Variants in MAF observed in about 807,000 individuals in gnomAD.
The protein encoded by MAF is MAF bZIP transcription factor.
In MAF, 10 loss-of-function variants were observed where a neutral mutation model predicts 22.0. The observed-to-expected ratio is 0.45, with a 90% CI of 0.28 to 0.77. MAF has a LOEUF of 0.77. Ranked by LOEUF, MAF falls within the 30% of genes least tolerant of loss-of-function variation. MAF has a pLI of 0.12. For synonymous variants in MAF, 337 were observed against 255.8 expected (o/e 1.32, Z -3.03); for missense variants, 544 against 548.4 (o/e 0.99, Z 0.08).
At chr16:79,246,826 GTCCATCCATCCA>G in the MAF span, among the ~76,000 whole-genome samples, 3 of 151,806 alleles carry the variant, frequency 2.0e-5, no homozygotes, top group East Asian at 1.9e-4. Context: ...GTGTCCATCT[GTCCATCCATCCA>G]TCCATCCATC....
the MAF span, among the ~76,000 whole-genome samples, chr16:79,208,625 C>G: frequency 1.9e-5 from 2 of 102,832 alleles, no homozygotes; most frequent in African/African-American, 9.1e-5. Flanking sequence ...TTAAAGTGCT[C>G]TTTAAATTTT....
the MAF span, among the ~76,000 whole-genome samples, chr16:79,413,164 T>C: frequency 6.6e-6 from 1 of 150,512 alleles, no homozygotes; most frequent in African/African-American, 2.5e-5. Context: ...CATTATGGAG[T>C]TAGATTTGTG....
the MAF span, among the ~76,000 whole-genome samples, chr16:79,426,899 G>T: frequency 6.6e-6 from 1 of 152,306 alleles, no homozygotes; most frequent in African/African-American, 2.4e-5. Flanking sequence ...AGATAGGCAG[G>T]GCTGAGAGGT....
the MAF span, among the ~76,000 whole-genome samples, chr16:79,468,551 T>A: frequency 1.3e-5 from 2 of 152,164 alleles, no homozygotes; most frequent in Non-Finnish European, 2.9e-5. Flanking sequence ...CAGAAACAGG[T>A]CTGGAGCAGC....
chr16:79,475,881 C>G, the MAF span, among the ~76,000 whole-genome samples: 2 of 152,138 alleles, frequency 1.3e-5, no homozygotes, highest in African/African-American at 4.8e-5. Context: ...CTTGTAAAAT[C>G]TCTTTCCCTT....
At chr16:79,391,552 T>C in the MAF span, among the ~76,000 whole-genome samples, 20 of 151,824 alleles carry the variant, frequency 1.3e-4, no homozygotes, top group East Asian at 3.1e-3. Context: ...AAATAGGAGG[T>C]TGGAAGAAAC....
the MAF span, among the ~76,000 whole-genome samples, chr16:79,234,724 C>G: frequency 6.6e-6 from 1 of 152,074 alleles, no homozygotes; most frequent in Non-Finnish European, 1.5e-5. Context: ...AAAGGGTTAG[C>G]TGATACCACC....
rs1913843439 is a variant in MAF at position 79,599,385 on chromosome 16, G to A, written c.518C>T (p.Ala173Val). ...GTAGTGCGGGCCCGCGCCGCTCTGCGCGGCGGCCGCGGCGATCACGGCGGA... is the reference window on the plus strand; with the variant it reads ...GTAGTGCGGGCCCGCGCCGCTCTGCACGGCGGCCGCGGCGATCACGGCGGA... ...VVSAVIAAAAAQSGAGPHYHH... is the reference protein window; with the variant it reads ...VVSAVIAAAAVQSGAGPHYHH... The change falls in exon 1 of 2, where the codon GCG (alanine) becomes GTG (valine). Residue 173 changes from alanine to valine, a missense_variant. By Grantham distance (64) the Ala-to-Val change is moderately conservative (BLOSUM62 0). Coordinates refer to ENST00000326043, the MANE Select transcript of MAF (RefSeq NM_005360.5). 2.0e-6 allele frequency: 2 copies of A among 1,018,710 alleles called. No homozygotes were observed. The highest frequency in any genetic ancestry group is 2.3e-6 in the Non-Finnish European group (2 of 853,950). 63.1% of individuals were successfully genotyped at this position (1,018,710 alleles called of 1,614,324 possible). A position where few individuals can be genotyped will look rare whatever the true frequency, so the allele number is the denominator to read the frequency against.
At chr16:79,481,398 C>T in the MAF span, among the ~76,000 whole-genome samples, 1 of 152,124 alleles carries the variant, frequency 6.6e-6, no homozygotes, top group Non-Finnish European at 1.5e-5. Flanking sequence ...CTGCAAACCA[C>T]ATACCCCATG....
the MAF span, among the ~76,000 whole-genome samples, chr16:79,307,596 T>A: frequency 2.0e-5 from 3 of 151,928 alleles, no homozygotes; most frequent in South Asian, 6.2e-4. Flanking sequence ...TACCCTTTAC[T>A]ATAAAAAAAT....
chr16:79,560,252 T>C, the MAF span, among the ~76,000 whole-genome samples: 4 of 152,110 alleles, frequency 2.6e-5, no homozygotes, highest in East Asian at 3.9e-4. Context: ...TGAAATTCCA[T>C]GTCACATATT....
At chr16:79,392,498 A>G in the MAF span, among the ~76,000 whole-genome samples, 2 of 55,572 alleles carry the variant, frequency 3.6e-5, no homozygotes, top group East Asian at 4.4e-4. Context: ...AGATAGGAGG[A>G]GAGAGAGAGA....
chr16:79,346,300 G>A, the MAF span, among the ~76,000 whole-genome samples: 2 of 151,772 alleles, frequency 1.3e-5, no homozygotes, highest in Admixed American at 6.6e-5. Flanking sequence ...CCTTGCGATA[G>A]TTTGCTGAGA....
chr16:79,596,001 A>G (rs1913499028), intron 1 of MAF: 5 of 1,061,038 alleles, frequency 4.7e-6, no homozygotes, highest in Non-Finnish European at 5.7e-6. Flanking sequence ...TAACAAGAAA[A>G]TCTCGGTGTG....
At chr16:79,219,062 T>C in the MAF span, among the ~76,000 whole-genome samples, 1 of 152,340 alleles carries the variant, frequency 6.6e-6, no homozygotes, top group Middle Eastern at 3.4e-3. Context: ...GTCTTGCCTC[T>C]AAGCTGATCT....
chr16:79,597,751 G>T (rs200105851), intron 1 of MAF: 1 of 1,005,184 alleles, frequency 9.9e-7, no homozygotes, highest in Non-Finnish European at 1.2e-6. Context: ...CAAGCCAAAA[G>T]GAAAAAAAAA....
chr16:79,344,241 A>C, the MAF span, among the ~76,000 whole-genome samples: 1 of 152,190 alleles, frequency 6.6e-6, no homozygotes, highest in Non-Finnish European at 1.5e-5. Context: ...GCAGGTGAGG[A>C]AACTGAGGCC....
the MAF span, among the ~76,000 whole-genome samples, chr16:79,220,255 C>CAA: frequency 0.029 from 2,708 of 93,860 alleles, 170 homozygotes; most frequent in African/African-American, 0.09. Context: ...GACTCCATCT[C>CAA]AAAAAAAAAA....
the MAF span, among the ~76,000 whole-genome samples, chr16:79,560,455 A>G: frequency 5.0e-3 from 757 of 152,142 alleles, 3 homozygotes; most frequent in Non-Finnish European, 8.3e-3. Context: ...TTGTTTTTCT[A>G]CAACTGTATG....
Sources: gnomAD v4.1 joint callset for allele counts (sites outside exome capture counted in the v4.1 genomes callset) on GRCh38, gnomAD v4.1.1 for gene constraint, MANE v1.5 for transcripts, NCBI Gene and HGNC (gene_info 2026-07-23, HGNC 2026-07-21) for gene names.